Variants in RBM6 observed in about 807,000 individuals in gnomAD.
RBM6 encodes the protein RNA-binding protein 6.
In RBM6, 23 loss-of-function variants were observed where a neutral mutation model predicts 140.4. The ratio of observed to expected loss-of-function variants is 0.16; its 90% CI spans 0.12 to 0.23. RBM6 has a LOEUF of 0.23. Among genes scored for constraint, RBM6 ranks in the 10% least tolerant of loss-of-function variants. The pLI is 1.00. For synonymous variants in RBM6, 439 were observed against 475.6 expected (o/e 0.92, Z 1.00); for missense variants, 1,139 against 1,386.7 (o/e 0.82, Z 2.84).
intron 5 of RBM6, among the ~76,000 whole-genome samples, chr3:49,978,191 C>T (rs1402549462): frequency 2.0e-5 from 3 of 152,018 alleles, no homozygotes; most frequent in Non-Finnish European, 4.4e-5. Context: ...TGTAGAGGCG[C>T]GGTCTCACTA....
At position 49,968,333 on chromosome 3, in the gene RBM6, G is replaced by C. The variant is rs1326615387; in HGVS notation, c.908G>C (p.Arg303Thr). ...TACATTCAGCCCTCTACACAAGATA[G>C]AGAACATTCTGGTATGAATGTGAAC... ...LDYIQPSTQD[R>T]EHSGMNVNRR... The change falls in exon 3 of 21, where the codon AGA (arginine) becomes ACA (threonine). Residue 303 changes from arginine to threonine, a missense_variant. Around this residue, in one of 9 missense-constraint regions of RBM6, gnomAD observed 566 missense variants for 612.7 expected, o/e 0.92. Coordinates refer to ENST00000266022, the MANE Select transcript of RBM6 (RefSeq NM_005777.3). 2 of 1,614,182 alleles carry C rather than the reference G, an allele frequency of 1.2e-6. No individual in the cohort carries two copies. Among genetic ancestry groups the C allele is most frequent in the Non-Finnish European group, 8.5e-7 (1 of 1,180,040 alleles).
chr3:50,058,699 G>T (rs2089815420), intron 10 of RBM6, 137 bp downstream of exon 10: 1 of 828,668 alleles, frequency 1.2e-6, no homozygotes, highest in East Asian at 2.6e-5. Context: ...TGGATCACGA[G>T]GTCAGGAAAT....
chr3:49,997,586 T>C (rs945190452), intron 5 of RBM6, among the ~76,000 whole-genome samples: 3 of 152,206 alleles, frequency 2.0e-5, no homozygotes, highest in Non-Finnish European at 4.4e-5. Flanking sequence ...GGGTACTCCA[T>C]TGATATGTTC....
intron 18 of RBM6, among the ~76,000 whole-genome samples, 158 bp downstream of exon 18, chr3:50,068,922 A>G (rs1183052136): frequency 6.6e-6 from 1 of 152,240 alleles, no homozygotes; most frequent in African/African-American, 2.4e-5. Flanking sequence ...AATACAATCA[A>G]AATAGGTGCT....
chr3:49,943,301 T>A (rs1003586858), intron 1 of RBM6, among the ~76,000 whole-genome samples: 7 of 151,176 alleles, frequency 4.6e-5, no homozygotes, highest in African/African-American at 1.7e-4. Context: ...TATTATTAAT[T>A]ATTTTATTTA....
chr3:50,072,930 CT>C (rs2090350341), intron 19 of RBM6, among the ~76,000 whole-genome samples: 1 of 152,124 alleles, frequency 6.6e-6, no homozygotes, highest in Non-Finnish European at 1.5e-5. Flanking sequence ...TTCCAGTCAC[CT>C]TTTCTGCTCC....
chr3:50,034,409 C>T (rs1324740995), intron 6 of RBM6, among the ~76,000 whole-genome samples: 2 of 152,150 alleles, frequency 1.3e-5, no homozygotes, highest in East Asian at 3.8e-4. Flanking sequence ...TTTTGTCTCT[C>T]TTCACTTCCA....
chr3:50,007,588 G>A (rs1042818101), intron 6 of RBM6, among the ~76,000 whole-genome samples: 2 of 149,906 alleles, frequency 1.3e-5, no homozygotes, highest in African/African-American at 2.5e-5. Flanking sequence ...GTTGGAGTGC[G>A]GTGGCGTGAT....
chr3:49,960,699 C>T (rs746798667), intron 1 of RBM6, among the ~76,000 whole-genome samples: 1 of 152,116 alleles, frequency 6.6e-6, no homozygotes. Context: ...TGTCTGTCTT[C>T]AAAGCAATGA....
intron 15 of RBM6, 73 bp from the exon 16 acceptor site, chr3:50,064,958 C>A: frequency 7.7e-7 from 1 of 1,305,988 alleles, no homozygotes; most frequent in Non-Finnish European, 1.1e-6. Flanking sequence ...AGGCGTGAGC[C>A]ACCGCACCCA....
At chr3:49,994,669 G>GGTGTGTGTGTGTGTGTGTGTGTGTGTGT (rs59949998) in intron 5 of RBM6, among the ~76,000 whole-genome samples, 16 of 148,264 alleles carry the variant, frequency 1.1e-4, no homozygotes, top group African/African-American at 3.7e-4. Context: ...AAGGCTGTGG[G>GGTGTGTGTGTGTGTGTGTGTGTGTGTGT]GTGTGTGTGT....
intron 1 of RBM6, among the ~76,000 whole-genome samples, chr3:49,956,438 C>T (rs1042718657): frequency 3.4e-4 from 48 of 140,564 alleles, no homozygotes; most frequent in African/African-American, 1.3e-3. Flanking sequence ...CGGGTTCAGG[C>T]ATTTTCCTGC....
intron 6 of RBM6, among the ~76,000 whole-genome samples, chr3:50,011,221 T>TAA (rs879356799): frequency 6.9e-6 from 1 of 144,206 alleles, no homozygotes; most frequent in Non-Finnish European, 1.5e-5. Context: ...CCTTGTCTCT[T>TAA]AAAAAAAAAA....
intron 6 of RBM6, among the ~76,000 whole-genome samples, chr3:50,017,726 T>C (rs1400246588): frequency 6.6e-6 from 1 of 152,186 alleles, no homozygotes; most frequent in African/African-American, 2.4e-5. Context: ...AATCTGTGCA[T>C]TGTTTCTTCA....
At chr3:49,946,169 G>A (rs1390999493) in intron 1 of RBM6, among the ~76,000 whole-genome samples, 2 of 151,894 alleles carry the variant, frequency 1.3e-5, no homozygotes, top group Non-Finnish European at 2.9e-5. Flanking sequence ...GGCAGTCCTA[G>A]CATACTGTGT....
chr3:50,006,570 CT>C (rs1313827125), intron 6 of RBM6, among the ~76,000 whole-genome samples: 1 of 152,166 alleles, frequency 6.6e-6, no homozygotes, highest in African/African-American at 2.4e-5. Flanking sequence ...GGCTTAACCT[CT>C]CTGTGTTTTA....
At chr3:49,949,766 C>T (rs2083654430) in intron 1 of RBM6, among the ~76,000 whole-genome samples, 2 of 152,130 alleles carry the variant, frequency 1.3e-5, no homozygotes, top group South Asian at 4.1e-4. Flanking sequence ...GCCCGCCTCC[C>T]AAAGTGCTGG....
chr3:50,076,926 C>A, intron 20 of RBM6, 82 bp from the exon 21 acceptor site: 1 of 1,412,958 alleles, frequency 7.1e-7, no homozygotes, highest in South Asian at 1.4e-5. Flanking sequence ...TCTTACTAGT[C>A]CAGAAATGCC....
chr3:49,981,808 T>C (rs751243958), intron 5 of RBM6: 2 of 152,254 alleles, frequency 1.3e-5, no homozygotes, highest in African/African-American at 2.4e-5. Flanking sequence ...CTGTGACATA[T>C]GAATGCAGGC....
Sources: allele counts gnomAD v4.1 joint callset (sites outside exome capture counted in the v4.1 genomes callset), GRCh38; gene constraint gnomAD v4.1.1; regional missense constraint gnomAD v4.1.1; transcripts MANE v1.5; gene names NCBI Gene and HGNC (gene_info 2026-07-23, HGNC 2026-07-21).